The following ROBO2 variants were observed in gnomAD, a reference collection of about 807,000 sequenced individuals.
ROBO2 encodes the protein roundabout homolog 2.
ROBO2 carries 53 observed loss-of-function variants against 160.8 expected under a neutral mutation model. The observed-to-expected ratio is 0.33, with a 90% CI of 0.26 to 0.41. The LOEUF is 0.41. Among genes scored for constraint, ROBO2 ranks in the 10% least tolerant of loss-of-function variants. The probability of loss-of-function intolerance (pLI) is 1.00; values close to 1 mark genes in which losing one functional copy is unlikely to be tolerated. For synonymous variants in ROBO2, 664 were observed against 611.7 expected (o/e 1.09, Z -1.26); for missense variants, 1,577 against 1,722.4 (o/e 0.92, Z 1.49).
intron 1 of ROBO2, among the ~76,000 whole-genome samples, chr3:77,066,177 C>T (rs1044709684): frequency 1.3e-5 from 2 of 151,726 alleles, no homozygotes; most frequent in Non-Finnish European, 2.9e-5. Flanking sequence ...TATGGGAAAT[C>T]GCAAGATAAA....
intron 2 of ROBO2, among the ~76,000 whole-genome samples, chr3:75,945,159 C>G (rs557113638): frequency 3.9e-5 from 6 of 152,106 alleles, no homozygotes; most frequent in African/African-American, 1.4e-4. Context: ...ACTCTGCCAT[C>G]ATGAAGCTTG....
intron 2 of ROBO2, among the ~76,000 whole-genome samples, chr3:76,564,460 T>C (rs2084390357): frequency 6.6e-6 from 1 of 152,236 alleles, no homozygotes; most frequent in African/African-American, 2.4e-5. Context: ...GCAATGACCC[T>C]GTTGTAACAT....
At chr3:76,213,552 A>G (rs1028292013) in intron 2 of ROBO2, among the ~76,000 whole-genome samples, 1 of 152,214 alleles carries the variant, frequency 6.6e-6, no homozygotes, top group Admixed American at 6.5e-5. Flanking sequence ...AAGGAAATTA[A>G]TCAGTGTTAA....
chr3:76,060,279 G>T (rs1340042941), intron 2 of ROBO2, among the ~76,000 whole-genome samples: 1 of 143,582 alleles, frequency 7.0e-6, no homozygotes, highest in Non-Finnish European at 1.5e-5. Context: ...TTTTCACACA[G>T]AGACCTGATT....
chr3:76,746,545 A>G (rs1172057117), intron 2 of ROBO2, among the ~76,000 whole-genome samples: 2 of 152,018 alleles, frequency 1.3e-5, no homozygotes, highest in African/African-American at 2.4e-5. Context: ...GTGAGATGGT[A>G]TCTCATTGTG....
At chr3:76,177,575 C>T (rs2073276011) in intron 2 of ROBO2, among the ~76,000 whole-genome samples, 1 of 152,104 alleles carries the variant, frequency 6.6e-6, no homozygotes, top group Non-Finnish European at 1.5e-5. Flanking sequence ...GATTTTTGCT[C>T]CTTCTTAATG....
chr3:77,076,884 T>A (rs539478875), intron 1 of ROBO2, among the ~76,000 whole-genome samples: 2 of 152,212 alleles, frequency 1.3e-5, no homozygotes, highest in African/African-American at 4.8e-5. Context: ...TACTGATTAG[T>A]GCAGATTTTG....
chr3:77,096,046 T>G (rs2071018336), intron 1 of ROBO2, among the ~76,000 whole-genome samples: 1 of 152,182 alleles, frequency 6.6e-6, no homozygotes, highest in Non-Finnish European at 1.5e-5. Context: ...GAGTTATTCC[T>G]CTTCAAAAAA....
At chr3:76,981,632 T>A (rs2060103773) in intron 2 of ROBO2, among the ~76,000 whole-genome samples, 1 of 152,212 alleles carries the variant, frequency 6.6e-6, no homozygotes, top group African/African-American at 2.4e-5. Flanking sequence ...AATATCTGTA[T>A]TTGTCCATTC....
chr3:76,282,286 G>A (rs144166774), intron 2 of ROBO2, among the ~76,000 whole-genome samples: 13,090 of 151,862 alleles, frequency 0.086, 1,022 homozygotes, highest in African/African-American at 0.2. Context: ...TTTAGAAAAT[G>A]CACTTGCTGT....
intron 2 of ROBO2, among the ~76,000 whole-genome samples, chr3:77,219,511 A>C (rs922885978): frequency 2.1e-5 from 3 of 142,278 alleles, no homozygotes; most frequent in Non-Finnish European, 3.0e-5. Flanking sequence ...ATATATATAT[A>C]TATCTGTGTG....
intron 2 of ROBO2, among the ~76,000 whole-genome samples, chr3:76,467,539 G>A (rs2078426850): frequency 6.6e-6 from 1 of 152,084 alleles, no homozygotes; most frequent in East Asian, 1.9e-4. Context: ...TTGGTGGAAA[G>A]ACCATTAGAA....
chr3:76,151,234 G>A (rs981345181), intron 2 of ROBO2, among the ~76,000 whole-genome samples: 18 of 152,090 alleles, frequency 1.2e-4, no homozygotes, highest in African/African-American at 4.1e-4. Flanking sequence ...CCCTAGCAGA[G>A]ATTATGCTAG....
intron 2 of ROBO2, among the ~76,000 whole-genome samples, chr3:76,620,902 T>A (rs1430728291): frequency 6.6e-6 from 1 of 152,196 alleles, no homozygotes; most frequent in East Asian, 1.9e-4. Flanking sequence ...ACCTAAATGG[T>A]TTCATGTTTT....
At chr3:77,275,392 T>C (rs575878143) in intron 2 of ROBO2, among the ~76,000 whole-genome samples, 20 of 152,310 alleles carry the variant, frequency 1.3e-4, no homozygotes, top group Admixed American at 1.3e-3. Flanking sequence ...ATATCCCTGA[T>C]AAACTTGAGT....
intron 2 of ROBO2, among the ~76,000 whole-genome samples, chr3:76,221,741 G>T (rs1703982775): frequency 1.3e-5 from 2 of 152,284 alleles, no homozygotes; most frequent in South Asian, 4.2e-4. Flanking sequence ...TCATGACCAT[G>T]AGCCCATTGC....
chr3:77,638,111 C>G (rs1282637545), intron 24 of ROBO2, among the ~76,000 whole-genome samples: 7 of 152,154 alleles, frequency 4.6e-5, no homozygotes, highest in Admixed American at 3.9e-4. Flanking sequence ...GGATGGTGCT[C>G]TACAGGTTAT....
At chr3:76,382,587 A>G (rs1199900480) in intron 2 of ROBO2, among the ~76,000 whole-genome samples, 1 of 152,244 alleles carries the variant, frequency 6.6e-6, no homozygotes, top group Non-Finnish European at 1.5e-5. Context: ...ACTCCGTCTC[A>G]AAAACAAACA....
intron 2 of ROBO2, among the ~76,000 whole-genome samples, chr3:76,310,284 T>C (rs993947321): frequency 1.3e-5 from 2 of 152,150 alleles, no homozygotes; most frequent in Non-Finnish European, 2.9e-5. Flanking sequence ...ATTTCCATGG[T>C]GATGTACACA....
Sources: gnomAD v4.1 joint callset for allele counts (sites outside exome capture counted in the v4.1 genomes callset) on GRCh38, gnomAD v4.1.1 for gene constraint, MANE v1.5 for transcripts, NCBI Gene and HGNC (gene_info 2026-07-23, HGNC 2026-07-21) for gene names.